CCDC180: variants seen among roughly 807,000 people sequenced by gnomAD.
CCDC180 encodes the protein coiled-coil domain containing 180.
In CCDC180, 154 loss-of-function variants were observed where a neutral mutation model predicts 209.2. That is an observed-to-expected ratio of 0.74 (90% CI 0.65 to 0.84). The LOEUF (loss-of-function observed/expected upper bound fraction) is 0.84, where lower values mean the gene tolerates loss of function less well. Among genes scored for constraint, CCDC180 ranks in the 40% least tolerant of loss-of-function variants. The pLI is 0.00. For synonymous variants in CCDC180, 778 were observed against 749.1 expected (o/e 1.04, Z -0.63); for missense variants, 1,874 against 1,997.3 (o/e 0.94, Z 1.18).
intron 18 of CCDC180, among the ~76,000 whole-genome samples, chr9:97,333,418 T>C (rs1306037385): frequency 2.0e-5 from 3 of 152,124 alleles, no homozygotes; most frequent in Non-Finnish European, 4.4e-5. Context: ...TCCTCAACTT[T>C]TTGGAATAGT....
Position 97,317,072 on chromosome 9 carries a change from A to G in CCDC180, c.803A>G (p.Asn268Ser), listed in dbSNP as rs1833197567. Residue 268 changes from asparagine to serine, a missense_variant, in exon 9 of 37, where the codon AAC becomes AGC. Asn to Ser is a conservative substitution (Grantham distance 46). Transcript: ENST00000529487. ...RLINEEAMVMNYALLGNRKAL... is the reference protein window; with the variant it reads ...RLINEEAMVMSYALLGNRKAL... ...GCCCATCTGTGACCACAGGTCATGA[A>G]CTATGCCCTGCTGGGCAACCGGAAG... The G allele has an allele frequency of 6.2e-7, 1 of 1,611,926 alleles. No homozygotes were observed. Among genetic ancestry groups the G allele is most frequent in the East Asian group, 2.2e-5 (1 of 44,822 alleles).
chr9:97,354,852 A>C, intron 23 of CCDC180, 40 bp from the exon 24 acceptor site: 1 of 1,572,072 alleles, frequency 6.4e-7, no homozygotes, highest in East Asian at 2.2e-5. Context: ...AAAAGGTCCA[A>C]ATTAAGCCCC....
At chr9:97,342,190 C>T (rs113110648) in intron 18 of CCDC180, among the ~76,000 whole-genome samples, 1 of 152,250 alleles carries the variant, frequency 6.6e-6, no homozygotes, top group Non-Finnish European at 1.5e-5. Flanking sequence ...ACCCACTTTC[C>T]AACTAGTCCC....
chr9:97,360,368 T>G (rs1317061158), intron 26 of CCDC180, among the ~76,000 whole-genome samples: 1 of 151,946 alleles, frequency 6.6e-6, no homozygotes, highest in Non-Finnish European at 1.5e-5. Flanking sequence ...GGACCCTCAC[T>G]CACCCTATCC....
At chr9:97,341,133 C>T (rs1826064727) in intron 18 of CCDC180, among the ~76,000 whole-genome samples, 2 of 152,192 alleles carry the variant, frequency 1.3e-5, no homozygotes, top group Admixed American at 6.5e-5. Context: ...ATGTGACCCA[C>T]GTGACCTTAC....
At chr9:97,325,427 A>C (rs777336190) in intron 14 of CCDC180, among the ~76,000 whole-genome samples, 1 of 152,182 alleles carries the variant, frequency 6.6e-6, no homozygotes, top group African/African-American at 2.4e-5. Context: ...CGATTAAAGG[A>C]TGGTATCACG....
intron 5 of CCDC180, 49 bp from the exon 6 acceptor site, chr9:97,314,344 T>C (rs1821157668): frequency 6.2e-7 from 1 of 1,609,438 alleles, no homozygotes; most frequent in African/African-American, 1.3e-5. Flanking sequence ...GGCTCCCTCC[T>C]TCCCAGGGGT....
chr9:97,327,914 C>CA, intron 15 of CCDC180, 106 bp from the exon 16 acceptor site: 1 of 1,225,778 alleles, frequency 8.2e-7, no homozygotes, highest in Non-Finnish European at 1.1e-6. Flanking sequence ...AGAGCAGCCA[C>CA]ACAGCAGCTC....
At chr9:97,325,318 T>C (rs1219157424) in intron 14 of CCDC180, 126 bp downstream of exon 14, 6 of 994,382 alleles carry the variant, frequency 6.0e-6, no homozygotes, top group Non-Finnish European at 8.7e-6. Context: ...GAGGCTCACG[T>C]TGGTCATGGG....
chr9:97,362,553 A>G (rs919087865), intron 28 of CCDC180, 112 bp downstream of exon 28: 1 of 1,471,604 alleles, frequency 6.8e-7, no homozygotes, highest in Non-Finnish European at 9.1e-7. Flanking sequence ...CACAATGCTC[A>G]TGGCTCTGGG....
chr9:97,336,771 G>A lies in CCDC180; in HGVS notation c.2274+6004G>A, dbSNP rs189249299. Among the ~76,000 whole-genome samples, 190 of 152,232 alleles carry A rather than the reference G, an allele frequency of 1.2e-3. 1 individual carries two copies. The highest frequency in any genetic ancestry group is 5.6e-3 in the South Asian group (27 of 4,810). Reference sequence around the variant, plus strand: ...ACTTGGGCAGTATGGCCATTTTCACGATATTGATTCTTCCTATCCATGAGG... The same window carrying A: ...ACTTGGGCAGTATGGCCATTTTCACAATATTGATTCTTCCTATCCATGAGG... On this transcript the variant is annotated intron_variant, in intron 18 of 36. Coordinates refer to ENST00000529487, the MANE Select transcript of CCDC180 (RefSeq NM_020893.6).
In CCDC180 at chr9:97,322,554, G is replaced by A. The variant is rs535455677; in HGVS notation, c.1160-279G>A. On this transcript the variant is annotated intron_variant, in intron 11 of 36. Coordinates refer to ENST00000529487, the MANE Select transcript of CCDC180 (RefSeq NM_020893.6). The stretch of plus-strand genomic sequence containing the variant: ...CATTACTGGTTTACAACTTGGTGCA[G>A]TTTCCCAAAAGGAATTTCACCAGCC... Among the ~76,000 whole-genome samples the A allele has an allele frequency of 5.3e-5, 8 of 152,322 alleles. No individual in the cohort carries two copies. In the East Asian group the frequency reaches 1.3e-3, roughly 26 times the overall value.
At chr9:97,311,993 T>C (rs1833002326) in intron 3 of CCDC180, 120 bp from the exon 4 acceptor site, 1 of 809,820 alleles carries the variant, frequency 1.2e-6, no homozygotes, top group South Asian at 1.5e-5. Flanking sequence ...GGGGTGTGCC[T>C]GGTCCATTGC....
intron 8 of CCDC180, 79 bp downstream of exon 8, chr9:97,315,025 G>A (rs1833118426): frequency 8.6e-6 from 9 of 1,048,264 alleles, no homozygotes; most frequent in Non-Finnish European, 1.2e-5. Context: ...CGAGCCTGGT[G>A]TCTGGTGTCT....
intron 21 of CCDC180, 64 bp from the exon 22 acceptor site, chr9:97,350,345 G>T: frequency 1.3e-6 from 2 of 1,481,776 alleles, no homozygotes; most frequent in Middle Eastern, 2.3e-4. Flanking sequence ...ATCACCACCT[G>T]CCCCTCCCTT....
rs966893339 is a variant in CCDC180 at position 97,362,261 on chromosome 9, C to T, written c.3722C>T (p.Ala1241Val). The T allele has an allele frequency of 6.2e-6, 10 of 1,614,040 alleles. No individual in the cohort carries two copies. Among genetic ancestry groups the T allele is most frequent in the Admixed American group, 1.7e-5 (1 of 60,000 alleles). Residue 1241 changes from alanine to valine, a missense_variant, in exon 28 of 37, where the codon GCA becomes GTA. Ala to Val is a moderately conservative substitution (Grantham distance 64). Coordinates refer to ENST00000529487, the MANE Select transcript of CCDC180 (RefSeq NM_020893.6). ...GATCCGTCCCAGACAGGTAGAGGCG[C>T]ATGGGCCTGTGGGTCTCGGGGCAGC... is the stretch of plus-strand genomic sequence containing the variant. ...DKDPSQTGRG[A>V]WACGSRGSSE...
intron 2 of CCDC180, among the ~76,000 whole-genome samples, 200 bp from the exon 3 acceptor site, chr9:97,309,214 T>C (rs571108796): frequency 6.6e-6 from 1 of 152,338 alleles, no homozygotes; most frequent in African/African-American, 2.4e-5. Context: ...GAAAGAGGCC[T>C]TCTTTGAAGT....
chr9:97,324,924 C>T lies in CCDC180; in HGVS notation c.1372-95C>T. The T allele has an allele frequency of 4.3e-6, 5 of 1,165,442 alleles. No homozygotes were observed. In the South Asian group the frequency reaches 7.5e-5, roughly 17 times the overall value. 72.2% of individuals were successfully genotyped at this position (1,165,442 alleles called of 1,614,324 possible). On this transcript the variant is annotated intron_variant, in intron 13 of 36. Coordinates refer to ENST00000529487, the MANE Select transcript of CCDC180 (RefSeq NM_020893.6). ...GGGACGGTGTCTGGGCAATACTGTT[C>T]AGTCGTTAGAGACAGGGGGTCCCAC...
chr9:97,307,617 A>G, upstream of CCDC180: 1 of 923,368 alleles, frequency 1.1e-6, no homozygotes, highest in Admixed American at 1.9e-5. Context: ...CCCGGATGCG[A>G]ATTCTGCGCC....
Sources: gnomAD v4.1 joint callset for allele counts (sites outside exome capture counted in the v4.1 genomes callset) on GRCh38, gnomAD v4.1.1 for gene constraint, MANE v1.5 for transcripts, NCBI Gene and HGNC (gene_info 2026-07-23, HGNC 2026-07-21) for gene names.